Variants in ADAM9 observed in about 807,000 individuals in gnomAD.
ADAM9 encodes ADAM metallopeptidase domain 9, also known as disintegrin and metalloproteinase domain-containing protein 9.
Under a neutral mutation model 108.1 loss-of-function variants are expected in ADAM9, and 54 were observed. The ratio of observed to expected loss-of-function variants is 0.50; its 90% confidence interval spans 0.40 to 0.63. The LOEUF is 0.63. Ranked by LOEUF, ADAM9 falls within the 20% of genes least tolerant of loss-of-function variation. The pLI is 0.00. For synonymous variants in ADAM9, 316 were observed against 336.0 expected, an observed-to-expected ratio of 0.94 and a Z score of 0.65; for missense variants, 830 against 997.7, an observed-to-expected ratio of 0.83 and a Z score of 2.26.
At chr8:39,021,920 G>A (rs1836753333) in intron 8 of ADAM9, among the ~76,000 whole-genome samples, 1 of 152,160 alleles carries the variant, frequency 6.6e-6, no homozygotes. Flanking sequence ...AAGAGCAAGA[G>A]ATTTCATATT....
chr8:39,006,757 C>T (rs1836176628), intron 1 of ADAM9, among the ~76,000 whole-genome samples: 1 of 151,996 alleles, frequency 6.6e-6, no homozygotes, highest in Non-Finnish European at 1.5e-5. Context: ...CTTAAGACAT[C>T]ATGATTCCAT....
chr8:39,045,513 C>G (rs1052339472), intron 12 of ADAM9, among the ~76,000 whole-genome samples: 1 of 64,938 alleles, frequency 1.5e-5, no homozygotes, highest in Non-Finnish European at 2.9e-5. Context: ...TGTGTGTGTA[C>G]ATACATATAT....
chr8:39,020,134 A>G (rs1313500558), intron 7 of ADAM9, among the ~76,000 whole-genome samples: 1 of 152,070 alleles, frequency 6.6e-6, no homozygotes, highest in Non-Finnish European at 1.5e-5. Flanking sequence ...AAATACAAAA[A>G]ATTAGCCGGG....
chr8:39,063,712 ACT>A (rs1353955806), intron 14 of ADAM9, among the ~76,000 whole-genome samples: 6 of 152,116 alleles, frequency 3.9e-5, no homozygotes, highest in African/African-American at 1.4e-4. Context: ...ACAGAGCAAG[ACT>A]CTGTCTCAAA....
chr8:38,999,382 C>T (rs1245724829), intron 1 of ADAM9, among the ~76,000 whole-genome samples: 4 of 149,848 alleles, frequency 2.7e-5, no homozygotes, highest in African/African-American at 9.9e-5. Flanking sequence ...AAAAAATAAG[C>T]GGAATCAGGT....
rs529734285 is a variant in ADAM9, at chr8:39,081,516, A to G, written c.1882-1125A>G. On this transcript the variant is annotated intron_variant, in intron 16 of 21. Transcript: ENST00000487273. ...CTAAAGACTTGCGGATGTAAGAAAA[A>G]AGTATTTTGAAATCTTTATTCAGGA... Among the ~76,000 whole-genome samples the G allele has an allele frequency of 2.0e-5, 3 of 152,338 alleles. No individual in the cohort carries two copies. The East Asian group carries it at 5.8e-4, about 29-fold the overall frequency.
chr8:39,023,168 T>A lies in ADAM9; in HGVS notation c.757T>A (p.Leu253Ile), dbSNP rs1339670022. The A allele has an allele frequency of 6.2e-7, 1 of 1,612,110 alleles. No individual in the cohort carries two copies. Among genetic ancestry groups the A allele is most frequent in the Admixed American group, 1.7e-5 (1 of 59,992 alleles). The change falls in exon 9 of 22, where the codon TTA becomes ATA. Residue 253 changes from leucine to isoleucine, a missense_variant. Leu to Ile is a conservative substitution (Grantham distance 5). Transcript: ENST00000487273. ...TCTTTCTTCCCAGATGTATATTATGTTAAATATTCGAATTGTGCTAGTTGG... is the reference window on the plus strand; with the variant it reads ...TCTTTCTTCCCAGATGTATATTATGATAAATATTCGAATTGTGCTAGTTGG... ...ANYLDSMYIM[L>I]NIRIVLVGLE... is the part of the protein sequence containing the mutation.
chr8:39,101,512 C>G (rs1839692942), intron 20 of ADAM9, among the ~76,000 whole-genome samples: 2 of 152,152 alleles, frequency 1.3e-5, no homozygotes, highest in South Asian at 4.1e-4. Context: ...GAGAGTAACA[C>G]CTTTGCTTTC....
chr8:39,025,699 T>C, intron 9 of ADAM9, 104 bp from the exon 10 acceptor site: 1 of 1,076,312 alleles, frequency 9.3e-7, no homozygotes, highest in East Asian at 2.5e-5. Context: ...TTTCCTGCCA[T>C]GTTTTGTAGG....
intron 12 of ADAM9, among the ~76,000 whole-genome samples, chr8:39,051,948 G>A (rs1024075513): frequency 7.2e-5 from 11 of 151,908 alleles, no homozygotes; most frequent in African/African-American, 2.4e-4. Context: ...CACACCTCAT[G>A]TGTATATATA....
chr8:39,085,069 T>C (rs1010825984), intron 18 of ADAM9, among the ~76,000 whole-genome samples: 4 of 152,164 alleles, frequency 2.6e-5, no homozygotes, highest in African/African-American at 9.6e-5. Flanking sequence ...TTAATTTCTT[T>C]ATATCATGCT....
At chr8:39,087,572 A>G (rs1007178530) in intron 18 of ADAM9, among the ~76,000 whole-genome samples, 5 of 152,212 alleles carry the variant, frequency 3.3e-5, no homozygotes, top group Admixed American at 1.3e-4. Context: ...TGAAGAATCA[A>G]TTGCCAGTAA....
intron 3 of ADAM9, among the ~76,000 whole-genome samples, chr8:39,012,624 G>T (rs958534444): frequency 6.6e-6 from 1 of 152,104 alleles, no homozygotes; most frequent in African/African-American, 2.4e-5. Flanking sequence ...CCATAAAAAA[G>T]GATGAGTTCA....
Position 39,026,660 on chromosome 8 carries a change from C to T in ADAM9, c.997-17C>T. 1 of 1,614,058 alleles carries T rather than the reference C, an allele frequency of 6.2e-7. No homozygotes were observed. The highest frequency in any genetic ancestry group is 1.1e-5 in the South Asian group (1 of 91,074). The stretch of plus-strand genomic sequence containing the variant: ...TTGCGTTCAGAAACCTAATTACTAC[C>T]TTCCTGTTCTGAACAGTTTGGACAA... On this transcript the variant is annotated splice_polypyrimidine_tract_variant and intron_variant, in intron 10 of 21. Coordinates refer to ENST00000487273, the MANE Select transcript of ADAM9 (RefSeq NM_003816.3).
At chr8:39,090,469 A>G (rs1196866822) in intron 19 of ADAM9, among the ~76,000 whole-genome samples, 4 of 152,168 alleles carry the variant, frequency 2.6e-5, no homozygotes, top group African/African-American at 4.8e-5. Context: ...CGCTCAGCCT[A>G]TATTAAATAA....
intron 14 of ADAM9, among the ~76,000 whole-genome samples, chr8:39,058,515 G>A (rs1288027875): frequency 6.6e-6 from 1 of 152,136 alleles, no homozygotes; most frequent in Non-Finnish European, 1.5e-5. Flanking sequence ...GTAATACTAA[G>A]AGATGCCCTA....
At chr8:39,021,777 C>T in intron 8 of ADAM9, 63 bp downstream of exon 8, 1 of 1,424,434 alleles carries the variant, frequency 7.0e-7, no homozygotes, top group Admixed American at 1.7e-5. Flanking sequence ...CAGAACAGAA[C>T]TTAAAAATGT....
chr8:39,046,441 A>G (rs1051877841), intron 12 of ADAM9, among the ~76,000 whole-genome samples: 1 of 152,152 alleles, frequency 6.6e-6, no homozygotes, highest in African/African-American at 2.4e-5. Flanking sequence ...TTTCCGATTT[A>G]GATGCCTTTT....
intron 4 of ADAM9, chr8:39,014,588 T>G: frequency 1.4e-6 from 1 of 702,540 alleles, no homozygotes. Flanking sequence ...TTTGGCTTTC[T>G]GTGTTTATTA....
Sources: gnomAD v4.1 joint callset for allele counts (sites outside exome capture counted in the v4.1 genomes callset) on GRCh38, gnomAD v4.1.1 for gene constraint, MANE v1.5 for transcripts, NCBI Gene and HGNC (gene_info 2026-07-23, HGNC 2026-07-21) for gene names.